The following MTHFD1L variants were observed in gnomAD, a reference collection of about 807,000 sequenced individuals.
The protein encoded by MTHFD1L is methylenetetrahydrofolate dehydrogenase (NADP+ dependent) 1 like, also known as monofunctional C1-tetrahydrofolate synthase, mitochondrial.
MTHFD1L carries 81 observed loss-of-function variants against 119.5 expected under a neutral mutation model. The observed-to-expected ratio is 0.68, with a 90% CI of 0.57 to 0.82. The LOEUF (loss-of-function observed/expected upper bound fraction) is 0.82, where lower values mean the gene tolerates loss of function less well. Among genes scored for constraint, MTHFD1L ranks in the 40% least tolerant of loss-of-function variants. MTHFD1L has a pLI of 0.00. For synonymous variants in MTHFD1L, 430 were observed against 475.2 expected (o/e 0.90, Z 1.24); for missense variants, 1,125 against 1,253.4 (o/e 0.90, Z 1.55).
At chr6:150,953,688 A>T (rs1324392372) in intron 16 of MTHFD1L, among the ~76,000 whole-genome samples, 1 of 152,138 alleles carries the variant, frequency 6.6e-6, no homozygotes, top group Non-Finnish European at 1.5e-5. Flanking sequence ...TGGGCTTTGG[A>T]GGCCACTGAT....
chr6:151,049,661 CAAA>C (rs34116073), intron 26 of MTHFD1L, among the ~76,000 whole-genome samples: 21 of 111,528 alleles, frequency 1.9e-4, no homozygotes, highest in East Asian at 5.4e-4. Context: ...GACTCCATCT[CAAA>C]AAAAAAAAAA....
At chr6:150,943,735 A>C (rs1025888347) in intron 13 of MTHFD1L, among the ~76,000 whole-genome samples, 1 of 152,234 alleles carries the variant, frequency 6.6e-6, no homozygotes, top group Admixed American at 6.5e-5. Context: ...GAAAAACGAA[A>C]CTTGGAAGTT....
At chr6:151,073,221 T>G (rs758896505) in intron 26 of MTHFD1L, among the ~76,000 whole-genome samples, 5 of 152,144 alleles carry the variant, frequency 3.3e-5, no homozygotes, top group Non-Finnish European at 7.3e-5. Context: ...GCTTTGCGGA[T>G]GTACAGAGTC....
At chr6:150,873,048 G>A (rs1021932672) in intron 1 of MTHFD1L, among the ~76,000 whole-genome samples, 2 of 152,076 alleles carry the variant, frequency 1.3e-5, no homozygotes, top group African/African-American at 4.8e-5. Flanking sequence ...CCGGCGAGGT[G>A]GCTCACCCCT....
At chr6:150,934,291 TTTATCTAGTTA>T (rs1791676601) in intron 11 of MTHFD1L, among the ~76,000 whole-genome samples, 1 of 152,184 alleles carries the variant, frequency 6.6e-6, no homozygotes, top group African/African-American at 2.4e-5. Context: ...CACTCTCAGT[TTTATCTAGTTA>T]ACATTTATTA....
chr6:151,096,086 T>C (rs532156519), intron 27 of MTHFD1L, among the ~76,000 whole-genome samples: 185 of 152,296 alleles, frequency 1.2e-3, no homozygotes, highest in Non-Finnish European at 2.1e-3. Context: ...TTCATTTCAG[T>C]CACGGGTAAA....
chr6:151,044,819 C>T lies in MTHFD1L; in HGVS notation c.2847+7702C>T, dbSNP rs111692935. Among the ~76,000 whole-genome samples the T allele has an allele frequency of 2.1e-3, 314 of 152,206 alleles. 1 individual carries two copies. The Middle Eastern group carries it at 0.024, about 12-fold the overall frequency. The stretch of plus-strand genomic sequence containing the variant: ...TCTGGAAAGCAGGAAACTGCTGGAG[C>T]GTGTTTGGGGCATCAGTGATGTCAC... On this transcript the variant is annotated intron_variant, in intron 26 of 27. Coordinates refer to ENST00000367321, the MANE Select transcript of MTHFD1L (RefSeq NM_015440.5).
At chr6:151,037,330 TC>T (rs1176977829) in intron 26 of MTHFD1L, among the ~76,000 whole-genome samples, 1 of 152,224 alleles carries the variant, frequency 6.6e-6, no homozygotes, top group East Asian at 1.9e-4. Context: ...GTGTTCAGGG[TC>T]CTTAGAGTCA....
At chr6:150,939,664 G>A (rs1036881266) in intron 13 of MTHFD1L, among the ~76,000 whole-genome samples, 5 of 145,748 alleles carry the variant, frequency 3.4e-5, no homozygotes, top group Admixed American at 7.0e-5. Flanking sequence ...TCTCTACTGC[G>A]TCAAGCTCCT....
Position 151,019,070 on chromosome 6 carries a change from G to A in MTHFD1L, c.2586+3377G>A, listed in dbSNP as rs546439779. Among the ~76,000 whole-genome samples the A allele has an allele frequency of 2.0e-4, 30 of 152,328 alleles. 1 individual carries two copies. The highest frequency in any genetic ancestry group is 3.5e-4 in the Non-Finnish European group (24 of 68,020). On this transcript the variant is annotated intron_variant, in intron 24 of 27. Transcript: ENST00000367321. The stretch of plus-strand genomic sequence containing the variant: ...CAGAGGCATTGAAGCCAACTCAGAT[G>A]GCAGGTGGCCAAGGAGACCCTGGGT...
chr6:150,997,555 A>G (rs960420872), intron 20 of MTHFD1L, among the ~76,000 whole-genome samples: 2 of 152,124 alleles, frequency 1.3e-5, no homozygotes, highest in Non-Finnish European at 2.9e-5. Context: ...TTGGGAGGCC[A>G]AGGCAGGTGG....
chr6:150,934,508 T>A (rs773516692), intron 11 of MTHFD1L, among the ~76,000 whole-genome samples: 29 of 152,232 alleles, frequency 1.9e-4, no homozygotes, highest in Admixed American at 3.9e-4. Flanking sequence ...AGAGATGAAG[T>A]CTGACTGGAT....
intron 9 of MTHFD1L, among the ~76,000 whole-genome samples, chr6:150,920,171 C>T (rs562656767): frequency 3.8e-4 from 58 of 152,292 alleles, no homozygotes; most frequent in African/African-American, 1.3e-3. Flanking sequence ...CCTCATGTGC[C>T]GCCACTTCCT....
chr6:150,892,189 C>T (rs1783419462), intron 7 of MTHFD1L, among the ~76,000 whole-genome samples: 1 of 152,182 alleles, frequency 6.6e-6, no homozygotes, highest in Non-Finnish European at 1.5e-5. Context: ...ATAAACCGTG[C>T]CCTGCACTGA....
At chr6:151,067,624 A>G (rs769374555) in intron 26 of MTHFD1L, among the ~76,000 whole-genome samples, 8 of 152,148 alleles carry the variant, frequency 5.3e-5, no homozygotes, top group South Asian at 2.1e-4. Context: ...GTGGCCAGCT[A>G]ATCACTTTTT....
At chr6:151,012,143 G>A (rs570313742) in intron 21 of MTHFD1L, among the ~76,000 whole-genome samples, 3 of 149,178 alleles carry the variant, frequency 2.0e-5, no homozygotes, top group South Asian at 2.1e-4. Flanking sequence ...TGAATGCCTT[G>A]TTCTGTGTCT....
chr6:150,983,685 AG>A (rs572443287), intron 20 of MTHFD1L, among the ~76,000 whole-genome samples: 2 of 152,322 alleles, frequency 1.3e-5, no homozygotes, highest in South Asian at 4.1e-4. Context: ...AGTCAATCCT[AG>A]GAACTGTTAC....
intron 1 of MTHFD1L, chr6:150,866,258 G>A: frequency 7.0e-7 from 1 of 1,437,996 alleles, no homozygotes; most frequent in East Asian, 3.0e-5. Context: ...TCCAGTACCC[G>A]ACCGGGCCCG....
chr6:150,928,297 G>T (rs1377952783), intron 11 of MTHFD1L, among the ~76,000 whole-genome samples: 2 of 151,650 alleles, frequency 1.3e-5, no homozygotes, highest in African/African-American at 2.4e-5. Flanking sequence ...TTAGCCAGGC[G>T]TGGTGGCAGG....
Sources: allele counts gnomAD v4.1 joint callset (sites outside exome capture counted in the v4.1 genomes callset), GRCh38; gene constraint gnomAD v4.1.1; transcripts MANE v1.5; gene names NCBI Gene and HGNC (gene_info 2026-07-23, HGNC 2026-07-21).